PCDHA6: variants seen among roughly 807,000 people sequenced by gnomAD.
The protein encoded by PCDHA6 is protocadherin alpha-6.
In PCDHA6, 55 loss-of-function variants were observed where a neutral mutation model predicts 60.3. The observed-to-expected ratio is 0.91, with a 90% confidence interval of 0.73 to 1.14. PCDHA6 has a LOEUF of 1.14. Among genes scored for constraint, PCDHA6 ranks in the 50% most tolerant of loss-of-function variants. The pLI, the probability that PCDHA6 is intolerant of heterozygous loss-of-function variation, is 0.00. For missense variants in PCDHA6, 1,327 were observed against 1,256.5 expected (o/e 1.06, Z -0.85); for synonymous variants, 652 against 557.9 (o/e 1.17, Z -2.38).
intron 1 of PCDHA6, chr5:140,841,143 T>C (rs1298799618): frequency 4.1e-6 from 3 of 736,926 alleles, no homozygotes; most frequent in Non-Finnish European, 4.3e-6. Flanking sequence ...AGCCACATGA[T>C]GTCGCTGTCT....
At position 141,010,065 on chromosome 5, in the gene PCDHA6, A is replaced by G; in HGVS notation, c.*128A>G. The stretch of plus-strand genomic sequence containing the variant: ...CTTAGAGACCTCAGAAATCTGCAGA[A>G]AGTTCCCTGTGTCTGTCTAGAACGC... On this transcript the variant is annotated 3_prime_UTR_variant, in exon 4 of 4. Coordinates refer to ENST00000529310, the MANE Select transcript of PCDHA6 (RefSeq NM_018909.4). The G allele has an allele frequency of 1.9e-6, 3 of 1,603,546 alleles. No homozygotes were observed. The highest frequency in any genetic ancestry group is 1.1e-5 in the South Asian group (1 of 89,360).
chr5:140,944,133 G>C (rs1051812384), intron 1 of PCDHA6, among the ~76,000 whole-genome samples: 2 of 152,134 alleles, frequency 1.3e-5, no homozygotes, highest in Non-Finnish European at 2.9e-5. Context: ...AGAAAAGGTT[G>C]AAGATTAGAA....
At chr5:140,972,691 G>A (rs1213069719) in intron 1 of PCDHA6, among the ~76,000 whole-genome samples, 3 of 137,348 alleles carry the variant, frequency 2.2e-5, no homozygotes, top group Admixed American at 1.5e-4. Flanking sequence ...TTGAGATGGA[G>A]TCTCACTCTG....
intron 3 of PCDHA6, among the ~76,000 whole-genome samples, chr5:141,006,789 C>T (rs1388215052): frequency 6.6e-6 from 1 of 152,026 alleles, no homozygotes; most frequent in Non-Finnish European, 1.5e-5. Flanking sequence ...GAATAATTAG[C>T]TTTGAACTTT....
At chr5:140,891,402 C>T (rs2153434100) in intron 1 of PCDHA6, among the ~76,000 whole-genome samples, 1 of 151,650 alleles carries the variant, frequency 6.6e-6, no homozygotes, top group East Asian at 1.9e-4. Context: ...TATCCCTCGC[C>T]ACCCCCCACT....
chr5:141,009,514 A>T (rs2098410382), intron 3 of PCDHA6, 113 bp from the exon 4 acceptor site: 5 of 1,501,204 alleles, frequency 3.3e-6, no homozygotes, highest in African/African-American at 1.4e-5. Context: ...ACAACTCGTG[A>T]TTTTTCTGGG....
intron 3 of PCDHA6, among the ~76,000 whole-genome samples, chr5:141,008,665 T>A (rs2098385671): frequency 6.6e-6 from 1 of 152,210 alleles, no homozygotes; most frequent in Non-Finnish European, 1.5e-5. Context: ...CACAATACTT[T>A]ACATATACTT....
At chr5:140,887,101 CTT>C (rs200717289) in intron 1 of PCDHA6, among the ~76,000 whole-genome samples, 4 of 145,262 alleles carry the variant, frequency 2.8e-5, no homozygotes, top group African/African-American at 5.0e-5. Flanking sequence ...ATCTTTATCT[CTT>C]TTTTTTTTTT....
intron 1 of PCDHA6, among the ~76,000 whole-genome samples, chr5:140,942,287 G>A (rs1468201947): frequency 1.3e-5 from 2 of 152,102 alleles, no homozygotes; most frequent in African/African-American, 4.8e-5. Context: ...GCTCATGCCT[G>A]TAATCCTAGC....
intron 1 of PCDHA6, among the ~76,000 whole-genome samples, chr5:140,838,160 CTG>C (rs1554136900): frequency 6.7e-6 from 1 of 149,878 alleles, no homozygotes; most frequent in African/African-American, 2.5e-5. Context: ...GTCGCCCTCT[CTG>C]GAGTGCAGTG....
chr5:140,869,320 G>A, intron 1 of PCDHA6: 1 of 1,613,846 alleles, frequency 6.2e-7, no homozygotes, highest in Non-Finnish European at 8.5e-7. Flanking sequence ...AACACATGGG[G>A]ACCTTCTGGA....
At chr5:140,836,210 TG>T (rs1340323722) in intron 1 of PCDHA6, 1 of 1,613,654 alleles carries the variant, frequency 6.2e-7, no homozygotes, top group Admixed American at 1.7e-5. Context: ...GGCTTTCGTA[TG>T]AGTTGCAACC....
In PCDHA6 at chr5:140,982,309, G is replaced by A. The variant is rs1459964622; in HGVS notation, c.2454-166G>A. On this transcript the variant is annotated intron_variant, in intron 2 of 3. Coordinates refer to ENST00000529310, the MANE Select transcript of PCDHA6 (RefSeq NM_018909.4). Reference sequence around the variant, plus strand: ...TAAGTAAGTCAGCAATGCTTCTGCAGTTTATGCAGGGTGACTGCTCAGCAG... The same window carrying A: ...TAAGTAAGTCAGCAATGCTTCTGCAATTTATGCAGGGTGACTGCTCAGCAG... 5.4e-6 allele frequency: 7 copies of A among 1,306,624 alleles called. No homozygotes were observed. The Admixed American group carries it at 1.8e-4, about 34-fold the overall frequency. The allele number at this position is 1,306,624 out of a possible 1,614,324, so 80.9% of individuals were successfully genotyped here. A position where few individuals can be genotyped will look rare whatever the true frequency, so the allele number is the denominator to read the frequency against.
chr5:140,883,606 C>T (rs782093980), intron 1 of PCDHA6: 1 of 1,613,942 alleles, frequency 6.2e-7, no homozygotes, highest in South Asian at 1.1e-5. Flanking sequence ...TGGGGGTGGC[C>T]GACGTGAACG....
chr5:140,994,519 A>G (rs1378534275), intron 3 of PCDHA6, among the ~76,000 whole-genome samples: 2 of 148,690 alleles, frequency 1.3e-5, no homozygotes, highest in Non-Finnish European at 3.0e-5. Context: ...CCTGGGCAAC[A>G]TGGCAAAACC....
intron 1 of PCDHA6, chr5:140,852,192 T>C: frequency 1.4e-6 from 1 of 716,718 alleles, no homozygotes; most frequent in Non-Finnish European, 1.8e-6. Context: ...AAAATGCCAG[T>C]AACGTTTATT....
At chr5:140,837,628 CCTTCCTTT>C (rs1289092091) in intron 1 of PCDHA6, among the ~76,000 whole-genome samples, 3 of 149,330 alleles carry the variant, frequency 2.0e-5, no homozygotes, top group African/African-American at 7.7e-5. Context: ...TTCCTTCCTT[CCTTCCTTT>C]CTTTCTTTCT....
At chr5:140,866,880 C>T (rs1270572722) in intron 1 of PCDHA6, 2 of 152,032 alleles carry the variant, frequency 1.3e-5, no homozygotes, top group Non-Finnish European at 2.9e-5. Context: ...TTGGTATTAG[C>T]CTATACCCAG....
intron 1 of PCDHA6, chr5:140,836,542 C>A (rs1554136059): frequency 6.2e-7 from 1 of 1,613,774 alleles, no homozygotes; most frequent in African/African-American, 1.3e-5. Context: ...CTGTACACGG[C>A]GTTGCGGTGC....
Sources: allele counts gnomAD v4.1 joint callset (sites outside exome capture counted in the v4.1 genomes callset), GRCh38; gene constraint gnomAD v4.1.1; transcripts MANE v1.5; gene names NCBI Gene and HGNC (gene_info 2026-07-23, HGNC 2026-07-21).